The following CRMP1 variants were observed in gnomAD, a reference collection of about 807,000 sequenced individuals.
CRMP1 encodes the protein collapsin response mediator protein 1, also known as dihydropyrimidinase-related protein 1.
In CRMP1, 19 loss-of-function variants were observed where a neutral mutation model predicts 68.3. The observed-to-expected ratio is 0.28, with a 90% confidence interval of 0.19 to 0.41. The LOEUF is 0.41. Among genes scored for constraint, CRMP1 ranks in the 10% least tolerant of loss-of-function variants. CRMP1 has a pLI of 1.00. For missense variants in CRMP1, 791 were observed against 967.4 expected (o/e 0.82, Z 2.42); for synonymous variants, 439 against 399.6 (o/e 1.10, Z -1.18).
chr4:5,838,608 AG>A lies in CRMP1; in HGVS notation c.1310+913del, dbSNP rs372829918. On this transcript the variant is annotated intron_variant, in intron 9 of 13. Coordinates refer to ENST00000324989, the MANE Select transcript of CRMP1 (RefSeq NM_001014809.3). The surrounding 1 kb of genome is among the most constrained non-coding windows in gnomAD (Gnocchi z 4.9). ...CTTAGATGGGCAAGACTGTGGGACT[AG>A]CAGCTTTATGGGGGAAGATCTGCAG... 8.1e-4 allele frequency among the ~76,000 whole-genome samples: 123 copies of A among 152,254 alleles called. No individual in the cohort carries two copies. The highest frequency in any genetic ancestry group is 2.8e-3 in the African/African-American group (118 of 41,560).
chr4:5,856,016 G>T, intron 4 of CRMP1, 127 bp downstream of exon 4: 1 of 1,069,484 alleles, frequency 9.4e-7, no homozygotes, highest in Non-Finnish European at 1.4e-6. Context: ...ACTGTCACGT[G>T]GCAGAGTGCA....
intron 2 of CRMP1, among the ~76,000 whole-genome samples, chr4:5,863,129 TTA>T (rs1553907046): frequency 1.3e-5 from 2 of 151,304 alleles, no homozygotes; most frequent in African/African-American, 2.4e-5. Flanking sequence ...TTTTTTTTTT[TTA>T]AAGAAACAGG....
intron 1 of CRMP1, among the ~76,000 whole-genome samples, chr4:5,887,038 G>A (rs1328704360): frequency 6.6e-6 from 1 of 152,202 alleles, no homozygotes; most frequent in Non-Finnish European, 1.5e-5. Flanking sequence ...ACAGTGCAGG[G>A]GAGGCAGGGG....
chr4:5,825,326 C>A lies in CRMP1; in HGVS notation c.1969+168G>T. On this transcript the variant is annotated intron_variant, in intron 13 of 13. Transcript: ENST00000324989. This position sits in a 1 kb window ranked among gnomAD's most constrained non-coding sequence, Gnocchi z 4.4. ...ACCCCCCTCTGCTTGGTGACCATGC[C>A]AGCCCACTCTGCCCCACCAGTGAGA... 1 of 985,238 alleles carries A rather than the reference C, an allele frequency of 1.0e-6. No homozygotes were observed. The highest frequency in any genetic ancestry group is 5.2e-4 in the Middle Eastern group (1 of 1,914). The allele number at this position is 985,238 out of a possible 1,614,324, so 61.0% of individuals were successfully genotyped here.
chr4:5,828,820 C>T, intron 11 of CRMP1, 152 bp from the exon 12 acceptor site: 2 of 995,424 alleles, frequency 2.0e-6, no homozygotes, highest in Non-Finnish European at 2.9e-6. Context: ...TAATATTCCA[C>T]TGTATGGTCC....
intron 1 of CRMP1, among the ~76,000 whole-genome samples, chr4:5,876,009 C>T (rs1264646272): frequency 2.0e-5 from 3 of 151,888 alleles, no homozygotes; most frequent in Non-Finnish European, 2.9e-5. Flanking sequence ...AAAAATTAGC[C>T]GAGCATGGTG....
At position 5,861,390 on chromosome 4, in the gene CRMP1, C is replaced by T. The variant is rs760301824; in HGVS notation, c.471-180G>A. On this transcript the variant is annotated intron_variant, in intron 2 of 13. Coordinates refer to ENST00000324989, the MANE Select transcript of CRMP1 (RefSeq NM_001014809.3). The surrounding 1 kb of genome is among the most constrained non-coding windows in gnomAD (Gnocchi z 6.0). Reference sequence around the variant, plus strand: ...TCAAGGGGCTCATAGTCTAATAGGACGTAAGACAGGTGGGCAGACTGTTAG... The same window carrying T: ...TCAAGGGGCTCATAGTCTAATAGGATGTAAGACAGGTGGGCAGACTGTTAG... Among the ~76,000 whole-genome samples, 17 of 152,156 alleles carry T rather than the reference C, an allele frequency of 1.1e-4. No individual in the cohort carries two copies. Among genetic ancestry groups the T allele is most frequent in the Non-Finnish European group, 1.3e-4 (9 of 68,022 alleles).
chr4:5,887,631 C>T, intron 1 of CRMP1: 4 of 985,098 alleles, frequency 4.1e-6, no homozygotes, highest in Non-Finnish European at 4.8e-6. Context: ...CCTTCCCGGG[C>T]CGCAGCCGCC....
At chr4:5,868,283 A>ATATATATC (rs1714167943) in intron 1 of CRMP1, among the ~76,000 whole-genome samples, 8 of 121,130 alleles carry the variant, frequency 6.6e-5, no homozygotes, top group Admixed American at 6.5e-4. Context: ...ATATATATAT[A>ATATATATC]TATATATATA....
In CRMP1 at chr4:5,870,535, G is replaced by A. The variant is rs1016450776; in HGVS notation, c.382-3779C>T. On this transcript the variant is annotated intron_variant, in intron 1 of 13. Coordinates refer to ENST00000324989, the MANE Select transcript of CRMP1 (RefSeq NM_001014809.3). This position sits in a 1 kb window ranked among gnomAD's most constrained non-coding sequence, Gnocchi z 6.0. ...GACTTTGTCCGTTTTCTTCACTGCT[G>A]TCTCTCCGGCATCTTGGACACAGCC... 6.6e-6 allele frequency among the ~76,000 whole-genome samples: 1 copy of A among 152,228 alleles called. No individual in the cohort carries two copies. Among genetic ancestry groups the A allele is most frequent in the African/African-American group, 2.4e-5 (1 of 41,470 alleles).
intron 1 of CRMP1, chr4:5,887,482 C>G (rs1217499823): frequency 1.0e-6 from 1 of 985,368 alleles, no homozygotes; most frequent in East Asian, 1.1e-4. Context: ...CTGACCGCTG[C>G]GCCCTCAGCT....
Position 5,821,884 on chromosome 4 carries a change from A to G in CRMP1, c.1970-33T>C, listed in dbSNP as rs780200533. 1.3e-5 allele frequency: 19 copies of G among 1,505,876 alleles called. No individual in the cohort carries two copies. Among genetic ancestry groups the G allele is most frequent in the Non-Finnish European group, 1.7e-5 (19 of 1,126,140 alleles). 93.3% of individuals were successfully genotyped at this position (1,505,876 alleles called of 1,614,324 possible). ...AGAGCGCCAATCGCTGCTGGATGGGATCTGTTAGCATCAGTTCCACGCTGC... is the reference window on the plus strand; with the variant it reads ...AGAGCGCCAATCGCTGCTGGATGGGGTCTGTTAGCATCAGTTCCACGCTGC... On this transcript the variant is annotated intron_variant, in intron 13 of 13. Coordinates refer to ENST00000324989, the MANE Select transcript of CRMP1 (RefSeq NM_001014809.3). This position sits in a 1 kb window ranked among gnomAD's most constrained non-coding sequence, Gnocchi z 4.4.
chr4:5,877,665 G>C lies in CRMP1; in HGVS notation c.382-10909C>G, dbSNP rs1390089973. On this transcript the variant is annotated intron_variant, in intron 1 of 13. Coordinates refer to ENST00000324989, the MANE Select transcript of CRMP1 (RefSeq NM_001014809.3). The surrounding 1 kb of genome is among the most constrained non-coding windows in gnomAD (Gnocchi z 4.3). ...ACATTCGTTCCCCCTCTCACGGGTA[G>C]GGGACAGGGCGGCTTTCCCCCTTTC... Among the ~76,000 whole-genome samples the C allele has an allele frequency of 6.6e-6, 1 of 152,196 alleles. No individual in the cohort carries two copies. Among genetic ancestry groups the C allele is most frequent in the Non-Finnish European group, 1.5e-5 (1 of 68,034 alleles).
In CRMP1 at chr4:5,887,551, G is replaced by C. The variant is rs1480574692; in HGVS notation, c.381+5038C>G. ...TCCTTTGTTTCCGGCCACACCCAGG[G>C]ACGCAGCCCGGCTGTTCTGCCTCCA... On this transcript the variant is annotated intron_variant, in intron 1 of 13. Coordinates refer to ENST00000324989, the MANE Select transcript of CRMP1 (RefSeq NM_001014809.3). 7.1e-6 allele frequency: 7 copies of C among 985,094 alleles called. No homozygotes were observed. In the East Asian group the frequency reaches 8.0e-4, roughly 112 times the overall value. The allele number at this position is 985,094 out of a possible 1,614,324, so 61.0% of individuals were successfully genotyped here. A position where few individuals can be genotyped will look rare whatever the true frequency, so the allele number is the denominator to read the frequency against.
chr4:5,851,708 G>A (rs28716547), intron 4 of CRMP1, among the ~76,000 whole-genome samples: 3,283 of 151,566 alleles, frequency 0.022, 117 homozygotes, highest in African/African-American at 0.075. Flanking sequence ...AGGAGAAGGA[G>A]GAGGAAGGGG....
chr4:5,841,212 T>C lies in CRMP1; in HGVS notation c.1153+96A>G. On this transcript the variant is annotated intron_variant, in intron 8 of 13. Transcript: ENST00000324989. The surrounding 1 kb of genome is among the most constrained non-coding windows in gnomAD (Gnocchi z 6.9). ...CCGCTCCACCCCTCCCTCCTCCGGC[T>C]GCCTGTCTGAGTTCGGGAGGGAGTG... 1 of 1,592,998 alleles carries C rather than the reference T, an allele frequency of 6.3e-7. No homozygotes were observed. The highest frequency in any genetic ancestry group is 8.6e-7 in the Non-Finnish European group (1 of 1,163,100).
chr4:5,873,422 A>T (rs753637690), intron 1 of CRMP1, among the ~76,000 whole-genome samples: 4 of 151,710 alleles, frequency 2.6e-5, no homozygotes, highest in Non-Finnish European at 5.9e-5. Context: ...TTGGCTCATG[A>T]TTCTGCAGGC....
intron 10 of CRMP1, 149 bp downstream of exon 10, chr4:5,836,616 A>T (rs1389564804): frequency 1.9e-6 from 2 of 1,061,338 alleles, no homozygotes; most frequent in Non-Finnish European, 2.8e-6. Flanking sequence ...CTCTCAAGTT[A>T]TGCGTTCCCT....
intron 11 of CRMP1, among the ~76,000 whole-genome samples, chr4:5,835,590 CT>C (rs1377291714): frequency 6.6e-6 from 1 of 152,216 alleles, no homozygotes; most frequent in African/African-American, 2.4e-5. Flanking sequence ...AGATCTAATA[CT>C]TTCCCTCGCT....
Sources: gnomAD v4.1 joint callset for allele counts (sites outside exome capture counted in the v4.1 genomes callset) on GRCh38, gnomAD v4.1.1 for gene constraint, Gnocchi (gnomAD v3.1) non-coding constraint, MANE v1.5 for transcripts, NCBI Gene and HGNC (gene_info 2026-07-23, HGNC 2026-07-21) for gene names.